CLSPN: variants seen among roughly 807,000 people sequenced by gnomAD.
CLSPN encodes the protein claspin homolog.
In CLSPN, 85 loss-of-function variants were observed where a neutral mutation model predicts 156.3. The observed-to-expected ratio is 0.54, with a 90% CI of 0.46 to 0.65. CLSPN has a LOEUF of 0.65. Ranked by LOEUF, CLSPN falls within the 30% of genes least tolerant of loss-of-function variation. CLSPN has a pLI of 0.00. For missense variants in CLSPN, 1,407 were observed against 1,554.9 expected (o/e 0.90, Z 1.60); for synonymous variants, 534 against 542.4 (o/e 0.98, Z 0.22).
chr1:35,754,030 A>G, intron 8 of CLSPN, 94 bp from the exon 9 acceptor site: 1 of 1,129,076 alleles, frequency 8.9e-7, no homozygotes, highest in South Asian at 1.5e-5. Flanking sequence ...CTCAACAATT[A>G]TGAGGGAAAC....
intron 8 of CLSPN, among the ~76,000 whole-genome samples, chr1:35,757,562 AAAT>A (rs1642317294): frequency 6.6e-6 from 1 of 152,218 alleles, no homozygotes; most frequent in African/African-American, 2.4e-5. Flanking sequence ...TCATTTTGCA[AAAT>A]AATACCTGGC....
rs768863463 is a variant in CLSPN, at chr1:35,738,109, AAAAAAT to A, written c.3559-18_3559-13del. ...TTCCCCTGCTGTGCCTGAAAAAAAA[AAAAAAT>A]ATATATATATATATATATATATATA... On this transcript the variant is annotated splice_polypyrimidine_tract_variant and intron_variant, in intron 21 of 24. Transcript: ENST00000318121. 494 of 631,070 alleles carry A rather than the reference AAAAAAT, an allele frequency of 7.8e-4. 7 individuals are homozygous for A. The highest frequency in any genetic ancestry group is 7.8e-3 in the Admixed American group (108 of 13,838). The allele number at this position is 631,070 out of a possible 1,614,324, so 39.1% of individuals were successfully genotyped here.
chr1:35,757,724 C>G (rs905869090), intron 8 of CLSPN, among the ~76,000 whole-genome samples: 1 of 152,164 alleles, frequency 6.6e-6, no homozygotes. Context: ...CTCAGTGTTC[C>G]GGACAACAGC....
At chr1:35,724,317 G>GT (rs1354877090) in intron 24 of CLSPN, among the ~76,000 whole-genome samples, 1 of 152,138 alleles carries the variant, frequency 6.6e-6, no homozygotes, top group Non-Finnish European at 1.5e-5. Context: ...AGGCATAGGA[G>GT]ACTGCATTTT....
At chr1:35,748,685 A>C in intron 12 of CLSPN, 81 bp from the exon 13 acceptor site, 2 of 1,194,034 alleles carry the variant, frequency 1.7e-6, no homozygotes, top group South Asian at 2.5e-5. Context: ...TGAGGATGAA[A>C]CTGTCAGATA....
At chr1:35,720,933 A>G (rs940957199) in exon 25 of CLSPN, 5 of 1,612,300 alleles carry the variant, frequency 3.1e-6, no homozygotes, top group Non-Finnish European at 4.2e-6. Flanking sequence ...ATCCAGGGAT[A>G]GGAGCTCCAC....
Position 35,736,931 on chromosome 1 carries a change from C to T in CLSPN, c.3892G>A (p.Glu1298Lys). Residue 1298 changes from glutamate (E) to lysine (K), a missense_variant, in exon 24 of 25, where the codon GAA becomes AAA. By Grantham distance (56) the Glu-to-Lys change is moderately conservative. Transcript: ENST00000318121. ...TTCCATACCTGAGACTTAGACGATTCCTTTGCCGCCTCAGCCTTGACAGGA... is the reference window on the plus strand; with the variant it reads ...TTCCATACCTGAGACTTAGACGATTTCTTTGCCGCCTCAGCCTTGACAGGA... ...LSPVKAEAAKESSKSQVKKRG... is the reference protein window; with the variant it reads ...LSPVKAEAAKKSSKSQVKKRG... 2 of 1,614,112 alleles carry T rather than the reference C, an allele frequency of 1.2e-6. No individual in the cohort carries two copies. Among genetic ancestry groups the T allele is most frequent in the South Asian group, 2.2e-5 (2 of 91,060 alleles).
Position 35,769,949 on chromosome 1 carries a change from T to C in CLSPN, c.-79A>G, listed in dbSNP as rs1642813738. The C allele has an allele frequency of 7.1e-6, 11 of 1,555,512 alleles. No individual in the cohort carries two copies. Among genetic ancestry groups the C allele is most frequent in the South Asian group, 1.1e-5 (1 of 87,820 alleles). ...AGCCGGAGAGCAGCGGCTCCCGCCG[T>C]CTCCAGCCCAGCAGTGCTGTTCTTG... On this transcript the variant is annotated 5_prime_UTR_variant, in exon 1 of 25. Transcript: ENST00000318121.
In CLSPN at chr1:35,733,445, T is replaced by C; in HGVS notation, c.*3051A>G. On this transcript the variant is annotated 3_prime_UTR_variant, in exon 25 of 25. Transcript: ENST00000318121. ...GCTGGCGTGAGCCACCGGACCTGGC[T>C]GAATTTTCTTATCCTCAGTTGTCAA... is the stretch of plus-strand genomic sequence containing the variant. 1.0e-6 allele frequency: 1 copy of C among 984,938 alleles called. No individual in the cohort carries two copies. 61.0% of individuals were successfully genotyped at this position (984,938 alleles called of 1,614,324 possible). A position where few individuals can be genotyped will look rare whatever the true frequency, so the allele number is the denominator to read the frequency against.
At position 35,732,676 on chromosome 1, in the gene CLSPN, A is replaced by G. The variant is rs1415359708; in HGVS notation, c.*3820T>C. The G allele has an allele frequency of 1.0e-6, 1 of 985,274 alleles. No homozygotes were observed. The highest frequency in any genetic ancestry group is 1.1e-4 in the East Asian group (1 of 8,820). The allele number at this position is 985,274 out of a possible 1,614,324, so 61.0% of individuals were successfully genotyped here. On this transcript the variant is annotated 3_prime_UTR_variant, in exon 25 of 25. Transcript: ENST00000318121. ...CACTCATGGGCTCTCATCCCTCCAAATATGTAATTTCCAAGCTAGTGAAGC... is the reference window on the plus strand; with the variant it reads ...CACTCATGGGCTCTCATCCCTCCAAGTATGTAATTTCCAAGCTAGTGAAGC...
intron 24 of CLSPN, among the ~76,000 whole-genome samples, chr1:35,721,219 T>C (rs1203076075): frequency 1.3e-5 from 2 of 152,172 alleles, no homozygotes; most frequent in African/African-American, 2.4e-5. Flanking sequence ...TCAACACTTA[T>C]TAGGTAACAG....
chr1:35,741,546 C>G (rs1177010708), intron 18 of CLSPN, among the ~76,000 whole-genome samples: 1 of 152,124 alleles, frequency 6.6e-6, no homozygotes, highest in African/African-American at 2.4e-5. Flanking sequence ...GAACTCCTGA[C>G]CTCAGGTGAT....
In CLSPN at chr1:35,733,319, T is replaced by TA; in HGVS notation, c.*3176_*3177insT. ...TCAGGCACTAATTTTCTTTTTTTTT[T>TA]CTTTTTTTTTTTTTTTTTAGAGTTG... On this transcript the variant is annotated 3_prime_UTR_variant, in exon 25 of 25. Transcript: ENST00000318121. 2 of 196,832 alleles carry TA rather than the reference T, an allele frequency of 1.0e-5. No homozygotes were observed. The highest frequency in any genetic ancestry group is 1.6e-5 in the Non-Finnish European group (2 of 125,478). The allele number at this position is 196,832 out of a possible 1,614,324, so 12.2% of individuals were successfully genotyped here. A position where few individuals can be genotyped will look rare whatever the true frequency, so the allele number is the denominator to read the frequency against.
At chr1:35,724,967 C>T (rs928621240) in intron 24 of CLSPN, among the ~76,000 whole-genome samples, 3 of 152,162 alleles carry the variant, frequency 2.0e-5, no homozygotes, top group Admixed American at 6.5e-5. Context: ...TCCATTTTGG[C>T]TGTTTTCCCA....
At chr1:35,763,083 G>C (rs1642538787) in intron 4 of CLSPN, 77 bp downstream of exon 4, 2 of 1,224,410 alleles carry the variant, frequency 1.6e-6, no homozygotes, top group Non-Finnish European at 2.1e-6. Flanking sequence ...AAAAATTAAG[G>C]TTCCAACAGT....
intron 10 of CLSPN, 75 bp downstream of exon 10, chr1:35,751,175 T>C: frequency 6.5e-7 from 1 of 1,539,624 alleles, no homozygotes; most frequent in Non-Finnish European, 8.7e-7. Context: ...ATGCTTATTA[T>C]ACTCTTTTTC....
At chr1:35,767,748 C>G (rs1226905884) in intron 1 of CLSPN, among the ~76,000 whole-genome samples, 1 of 152,112 alleles carries the variant, frequency 6.6e-6, no homozygotes, top group Non-Finnish European at 1.5e-5. Context: ...ATCTGAAATT[C>G]AAAACGCTTC....
intron 24 of CLSPN, among the ~76,000 whole-genome samples, chr1:35,722,771 A>G (rs999871148): frequency 3.9e-5 from 6 of 151,948 alleles, no homozygotes; most frequent in South Asian, 2.1e-4. Context: ...AGCTGAGACT[A>G]CAGGCGTGTG....
Position 35,733,320 on chromosome 1 carries a change from CTTTTTTTTTT to C in CLSPN, c.*3166_*3175del, listed in dbSNP as rs1222789867. On this transcript the variant is annotated 3_prime_UTR_variant, in exon 25 of 25. Transcript: ENST00000318121. ...CAGGCACTAATTTTCTTTTTTTTTT[CTTTTTTTTTT>C]TTTTTTTAGAGTTGGGATTTCACCA... 5.2e-4 allele frequency: 71 copies of C among 136,008 alleles called. No individual in the cohort carries two copies. The highest frequency in any genetic ancestry group is 9.6e-4 in the Non-Finnish European group (67 of 70,036). 8.4% of individuals were successfully genotyped at this position (136,008 alleles called of 1,614,324 possible).
Sources: allele counts gnomAD v4.1 joint callset (sites outside exome capture counted in the v4.1 genomes callset), GRCh38; gene constraint gnomAD v4.1.1; transcripts MANE v1.5; gene names NCBI Gene and HGNC (gene_info 2026-07-23, HGNC 2026-07-21).